Variants in MACROD2 observed in about 807,000 individuals in gnomAD.
MACROD2 encodes the protein ADP-ribose glycohydrolase MACROD2.
Under a neutral mutation model 70.4 loss-of-function variants are expected in MACROD2, and 36 were observed. The ratio of observed to expected loss-of-function variants is 0.51; its 90% CI spans 0.39 to 0.68. The LOEUF (loss-of-function observed/expected upper bound fraction) is 0.68. Among genes scored for constraint, MACROD2 ranks in the 30% least tolerant of loss-of-function variants. MACROD2 has a pLI of 0.00. For missense variants in MACROD2, 496 were observed against 538.4 expected, an observed-to-expected ratio of 0.92 and a Z score of 0.78; for synonymous variants, 172 against 178.8, an observed-to-expected ratio of 0.96 and a Z score of 0.30.
At chr20:15,275,202 C>A (rs1006544470) in intron 6 of MACROD2, among the ~76,000 whole-genome samples, 1 of 152,140 alleles carries the variant, frequency 6.6e-6, no homozygotes, top group African/African-American at 2.4e-5. Context: ...TATTTAAAAA[C>A]CAAACTAAAC....
At chr20:15,881,184 C>A (rs975260023) in intron 9 of MACROD2, among the ~76,000 whole-genome samples, 1 of 152,022 alleles carries the variant, frequency 6.6e-6, no homozygotes, top group African/African-American at 2.4e-5. Flanking sequence ...ATAATGTAAT[C>A]ACTCAATGGG....
chr20:14,972,437 T>A (rs1241287384), intron 5 of MACROD2, among the ~76,000 whole-genome samples: 1 of 152,200 alleles, frequency 6.6e-6, no homozygotes, highest in Non-Finnish European at 1.5e-5. Flanking sequence ...GTTGGGTCTG[T>A]CTGTGTGATG....
chr20:14,000,441 T>G (rs2052718569), intron 1 of MACROD2, among the ~76,000 whole-genome samples: 1 of 152,210 alleles, frequency 6.6e-6, no homozygotes, highest in African/African-American at 2.4e-5. Flanking sequence ...TTCTGTGAAA[T>G]AGTCTTTTAA....
chr20:15,521,263 A>C (rs1384722421), intron 8 of MACROD2, among the ~76,000 whole-genome samples: 1 of 152,176 alleles, frequency 6.6e-6, no homozygotes, highest in African/African-American at 2.4e-5. Context: ...CTCGTTTTTC[A>C]GTGAGCATGG....
In MACROD2 at chr20:15,638,491, A is replaced by G. The variant is rs149942773; in HGVS notation, c.645+138644A>G. Among the ~76,000 whole-genome samples, 313 of 152,320 alleles carry G rather than the reference A, an allele frequency of 2.1e-3. 1 individual carries two copies. The East Asian group carries it at 0.024, about 12-fold the overall frequency. On this transcript the variant is annotated intron_variant, in intron 8 of 17. Coordinates refer to ENST00000684519, the MANE Select transcript of MACROD2 (RefSeq NM_001351661.2). ...TAGGCCATGAGTCTGAATGTGTCAG[A>G]AAAGAACTGCAAGTCATTAGACAAG...
intron 5 of MACROD2, among the ~76,000 whole-genome samples, chr20:14,899,159 T>G (rs1429538432): frequency 1.3e-5 from 2 of 152,208 alleles, no homozygotes; most frequent in Admixed American, 1.3e-4. Context: ...TTCTGATATT[T>G]TCAAGTTTAG....
At chr20:15,608,332 T>C (rs2146702970) in intron 8 of MACROD2, among the ~76,000 whole-genome samples, 1 of 152,368 alleles carries the variant, frequency 6.6e-6, no homozygotes, top group South Asian at 2.1e-4. Context: ...ACTTGGTCAA[T>C]GGAATGTCAG....
chr20:14,611,002 G>A (rs1164929082), intron 4 of MACROD2, among the ~76,000 whole-genome samples: 1 of 152,028 alleles, frequency 6.6e-6, no homozygotes, highest in East Asian at 1.9e-4. Context: ...TTCATAGAGG[G>A]CTTTGCTGGA....
At chr20:15,177,710 G>T (rs987709026) in intron 5 of MACROD2, among the ~76,000 whole-genome samples, 7 of 152,160 alleles carry the variant, frequency 4.6e-5, no homozygotes, top group African/African-American at 1.7e-4. Flanking sequence ...TTTCTGGAAA[G>T]ACAGAAAGAA....
intron 5 of MACROD2, among the ~76,000 whole-genome samples, chr20:15,224,931 G>A (rs1223815463): frequency 6.7e-6 from 1 of 148,514 alleles, no homozygotes; most frequent in Non-Finnish European, 1.5e-5. Flanking sequence ...CTGCACTGCA[G>A]CCTGGGCAAC....
intron 2 of MACROD2, among the ~76,000 whole-genome samples, chr20:14,029,260 A>G (rs1197006599): frequency 6.6e-6 from 1 of 152,178 alleles, no homozygotes; most frequent in Non-Finnish European, 1.5e-5. Flanking sequence ...CTTTAATTGT[A>G]AGCCATCTGC....
intron 5 of MACROD2, among the ~76,000 whole-genome samples, chr20:14,713,471 C>CA (rs200701053): frequency 0.016 from 2,437 of 152,192 alleles, 69 homozygotes; most frequent in African/African-American, 0.056. Context: ...GATTCTGGTT[C>CA]AAAATTACTC....
At position 15,901,674 on chromosome 20, in the gene MACROD2, G is replaced by A. The variant is rs80352350; in HGVS notation, c.775+15863G>A. Among the ~76,000 whole-genome samples, 715 of 152,258 alleles carry A rather than the reference G, an allele frequency of 4.7e-3. 8 individuals carry two copies. Among genetic ancestry groups the A allele is most frequent in the African/African-American group, 0.016 (668 of 41,546 alleles). On this transcript the variant is annotated intron_variant, in intron 10 of 17. Coordinates refer to ENST00000684519, the MANE Select transcript of MACROD2 (RefSeq NM_001351661.2). ...GGACATAGCCCCATCTTAAGTCAAG[G>A]AGCATCAGCAGCCTATCTCCAATAT...
At chr20:15,248,748 G>T (rs531275571) in intron 6 of MACROD2, among the ~76,000 whole-genome samples, 1 of 152,228 alleles carries the variant, frequency 6.6e-6, no homozygotes, top group South Asian at 2.1e-4. Context: ...TATGCAGTCA[G>T]AAATCCAGGA....
In MACROD2 at chr20:16,051,141, G is replaced by A. The variant is rs16997016; in HGVS notation, c.*1265G>A. On this transcript the variant is annotated 3_prime_UTR_variant, in exon 18 of 18. Transcript: ENST00000684519. ...GATGCCTACTTCCCACAGCCTCCCCGGGTTCCAAAGTCATGTCATTGTTTT... is the reference window on the plus strand; with the variant it reads ...GATGCCTACTTCCCACAGCCTCCCCAGGTTCCAAAGTCATGTCATTGTTTT... 2,716 of 152,220 alleles carry A rather than the reference G, an allele frequency of 0.018. 44 individuals are homozygous for A. Among genetic ancestry groups the A allele is most frequent in the East Asian group, 0.1 (516 of 5,180 alleles). 9.4% of individuals were successfully genotyped at this position (152,220 alleles called of 1,614,324 possible).
intron 8 of MACROD2, among the ~76,000 whole-genome samples, chr20:15,642,799 T>C (rs1282520134): frequency 2.0e-5 from 3 of 152,158 alleles, no homozygotes; most frequent in Admixed American, 2.0e-4. Context: ...GTGTGCACAC[T>C]CTGCTCTGCC....
chr20:14,847,908 G>A (rs1223723036), intron 5 of MACROD2, among the ~76,000 whole-genome samples: 1 of 152,132 alleles, frequency 6.6e-6, no homozygotes, highest in Non-Finnish European at 1.5e-5. Context: ...GGATTAATGA[G>A]CTCCAGGGGC....
At chr20:14,444,755 G>C (rs2084164783) in intron 3 of MACROD2, among the ~76,000 whole-genome samples, 1 of 151,862 alleles carries the variant, frequency 6.6e-6, no homozygotes, top group Admixed American at 6.6e-5. Context: ...GGCAACTCTT[G>C]GTATTCCTGT....
chr20:15,185,594 G>T (rs1434581470), intron 5 of MACROD2, among the ~76,000 whole-genome samples: 4 of 152,202 alleles, frequency 2.6e-5, no homozygotes, highest in Admixed American at 2.0e-4. Flanking sequence ...AATGTCTTCT[G>T]CCTATTATTA....
Sources: allele counts gnomAD v4.1 joint callset (sites outside exome capture counted in the v4.1 genomes callset), GRCh38; gene constraint gnomAD v4.1.1; transcripts MANE v1.5; gene names NCBI Gene and HGNC (gene_info 2026-07-23, HGNC 2026-07-21).